BANP: variants seen among roughly 807,000 people sequenced by gnomAD.
The protein encoded by BANP is protein BANP.
Under a neutral mutation model 68.1 loss-of-function variants are expected in BANP, and 11 were observed. That is an observed-to-expected ratio of 0.16 (90% CI 0.10 to 0.27). The LOEUF (loss-of-function observed/expected upper bound fraction) is 0.27. BANP is among the 10% of genes least tolerant of loss of function. The pLI is 1.00. For synonymous variants in BANP, 329 were observed against 303.2 expected, an observed-to-expected ratio of 1.09 and a Z score of -0.88; for missense variants, 504 against 722.7, an observed-to-expected ratio of 0.70 and a Z score of 3.47.
chr16:87,969,838 C>G (rs112749511), intron 1 of BANP, among the ~76,000 whole-genome samples: 4 of 151,490 alleles, frequency 2.6e-5, no homozygotes, highest in African/African-American at 9.7e-5. Flanking sequence ...GCCTGACTAT[C>G]TTTACATAAC....
chr16:87,959,577 G>GGCGTCAGCCACAGAAGGGCTTA (rs1404934982), intron 1 of BANP, among the ~76,000 whole-genome samples: 1 of 152,244 alleles, frequency 6.6e-6, no homozygotes, highest in Non-Finnish European at 1.5e-5. Context: ...GAACAGCGCT[G>GGCGTCAGCCACAGAAGGGCTTA]GCGTCAGCCA....
At position 88,071,021 on chromosome 16, in the gene BANP, G is replaced by A. The variant is rs988735946; in HGVS notation, c.1378-1048G>A. On this transcript the variant is annotated intron_variant, in intron 12 of 13. Coordinates refer to ENST00000682872, the MANE Select transcript of BANP (RefSeq NM_001386991.1). This position sits in a 1 kb window ranked among gnomAD's most constrained non-coding sequence, Gnocchi z 6.5. ...AAAGCCCTGGTCCGGCGCTGTCTCT[G>A]CAGTGTGTTTGCGGGGGCCAAGTTT... The A allele has an allele frequency of 8.0e-5, 13 of 163,016 alleles. No individual in the cohort carries two copies. The highest frequency in any genetic ancestry group is 7.8e-4 in the Admixed American group (13 of 16,734). The allele number at this position is 163,016 out of a possible 1,614,324, so 10.1% of individuals were successfully genotyped here. A position where few individuals can be genotyped will look rare whatever the true frequency, so the allele number is the denominator to read the frequency against.
chr16:88,020,298 C>T (rs911816733), intron 7 of BANP, among the ~76,000 whole-genome samples: 10 of 152,250 alleles, frequency 6.6e-5, no homozygotes, highest in African/African-American at 1.9e-4. Flanking sequence ...AGGACACTGC[C>T]TTCAGAGGCG....
intron 1 of BANP, among the ~76,000 whole-genome samples, 176 bp downstream of exon 1, chr16:87,951,691 C>T (rs1039189429): frequency 6.7e-6 from 1 of 149,054 alleles, no homozygotes; most frequent in African/African-American, 2.4e-5. Flanking sequence ...CGCTCCCCGT[C>T]CCCGGCCGCG....
chr16:88,073,730 C>T (rs956872331), intron 13 of BANP, among the ~76,000 whole-genome samples: 3 of 152,162 alleles, frequency 2.0e-5, no homozygotes. Context: ...GTGAGGTCCG[C>T]GCCCAGGAAA....
intron 4 of BANP, among the ~76,000 whole-genome samples, chr16:87,996,263 C>T (rs1245407095): frequency 1.3e-5 from 2 of 152,230 alleles, no homozygotes; most frequent in Non-Finnish European, 2.9e-5. Flanking sequence ...AGACCGGGAC[C>T]CACCTGGCGT....
At chr16:88,035,909 G>A (rs115353971) in intron 10 of BANP, among the ~76,000 whole-genome samples, 2,131 of 152,362 alleles carry the variant, frequency 0.014, 54 homozygotes, top group African/African-American at 0.049. Context: ...CACCTGCTGG[G>A]TCTGTGATTG....
At chr16:88,060,387 C>T (rs896680957) in intron 11 of BANP, among the ~76,000 whole-genome samples, 3 of 152,150 alleles carry the variant, frequency 2.0e-5, no homozygotes, top group African/African-American at 4.8e-5. Context: ...TTAAAAGCCA[C>T]GTTTTTCCAT....
At chr16:88,046,121 C>G (rs148705627) in intron 11 of BANP, among the ~76,000 whole-genome samples, 1 of 152,346 alleles carries the variant, frequency 6.6e-6, no homozygotes, top group African/African-American at 2.4e-5. Flanking sequence ...GAAGCTTTAC[C>G]CTGTGCACAT....
chr16:88,027,627 A>G lies in BANP; in HGVS notation c.1040A>G (p.Asn347Ser), dbSNP rs778265845. Residue 347 changes from asparagine (N) to serine (S), a missense_variant, in exon 8 of 14, where the codon AAC (asparagine) becomes AGC (serine). Physicochemically the swap from Asn to Ser is conservative, Grantham distance 46. Around this residue, in one of 3 missense-constraint regions of BANP, gnomAD observed 223 missense variants for 246.2 expected, o/e 0.91. Transcript: ENST00000682872. ...AVKSFSRRTPNSSSYCPSEPM... is the reference protein window; with the variant it reads ...AVKSFSRRTPSSSSYCPSEPM... ...AAGAGCTTCTCGCGGAGAACGCCCA[A>G]CTCGTCCTCCTACTGCCCTTCAGGT... is the stretch of plus-strand genomic sequence containing the variant. 3 of 1,613,544 alleles carry G rather than the reference A, an allele frequency of 1.9e-6. No individual in the cohort carries two copies. Among genetic ancestry groups the G allele is most frequent in the Non-Finnish European group, 2.5e-6 (3 of 1,179,860 alleles).
chr16:88,072,842 C>T (rs1004402190), intron 13 of BANP, among the ~76,000 whole-genome samples: 13 of 152,196 alleles, frequency 8.5e-5, no homozygotes, highest in Admixed American at 1.3e-4. Flanking sequence ...CAGTCTTGGC[C>T]CCGCAGCCTC....
intron 12 of BANP, among the ~76,000 whole-genome samples, chr16:88,067,615 G>A (rs1174445541): frequency 6.6e-6 from 1 of 152,054 alleles, no homozygotes; most frequent in Non-Finnish European, 1.5e-5. Context: ...CAAATCTAAG[G>A]GGGTCAGCTG....
chr16:88,033,295 G>T, intron 9 of BANP, 50 bp downstream of exon 9: 4 of 1,477,686 alleles, frequency 2.7e-6, no homozygotes, highest in East Asian at 2.4e-5. Context: ...TGCGGGGTGG[G>T]CCACGGCAGG....
intron 11 of BANP, among the ~76,000 whole-genome samples, chr16:88,058,031 A>G (rs1175480080): frequency 6.6e-6 from 1 of 152,176 alleles, no homozygotes; most frequent in African/African-American, 2.4e-5. Context: ...GTTCAAGCGT[A>G]ATATAATTTC....
chr16:87,970,940 C>G (rs1383084494), intron 1 of BANP, among the ~76,000 whole-genome samples: 1 of 150,788 alleles, frequency 6.6e-6, no homozygotes, highest in African/African-American at 2.4e-5. Flanking sequence ...TCGCTTGAAC[C>G]CAGGAGGCGG....
intron 9 of BANP, among the ~76,000 whole-genome samples, chr16:88,033,474 T>TGGGGC (rs2078645680): frequency 6.6e-6 from 1 of 151,714 alleles, no homozygotes; most frequent in Non-Finnish European, 1.5e-5. Flanking sequence ...CATGGTGGGG[T>TGGGGC]GGGGCATTCA....
chr16:88,070,108 G>A (rs28465438), intron 12 of BANP, among the ~76,000 whole-genome samples: 28,965 of 152,036 alleles, frequency 0.19, 3,489 homozygotes, highest in South Asian at 0.28. Context: ...GTTTTCCCTC[G>A]CTTACTCTAT....
intron 11 of BANP, among the ~76,000 whole-genome samples, chr16:88,058,010 G>A (rs1177213810): frequency 2.0e-5 from 3 of 152,190 alleles, no homozygotes; most frequent in Non-Finnish European, 2.9e-5. Context: ...GGAGTTACAC[G>A]GGAAGAAAGG....
rs2088095438 is a variant in BANP at position 88,064,973 on chromosome 16, C to G, written c.1312-294C>G. On this transcript the variant is annotated intron_variant, in intron 11 of 13. Transcript: ENST00000682872. This position sits in a 1 kb window ranked among gnomAD's most constrained non-coding sequence, Gnocchi z 4.5. The stretch of plus-strand genomic sequence containing the variant: ...TTTAAAAACTCCTACAGTACAAACT[C>G]TTTCTAATGGAAAAAAGCGGTTGCT... 1.3e-5 allele frequency among the ~76,000 whole-genome samples: 2 copies of G among 152,248 alleles called. No homozygotes were observed. The highest frequency in any genetic ancestry group is 4.8e-5 in the African/African-American group (2 of 41,476).
Sources: allele counts gnomAD v4.1 joint callset (sites outside exome capture counted in the v4.1 genomes callset), GRCh38; gene constraint gnomAD v4.1.1; regional missense constraint gnomAD v4.1.1; non-coding constraint Gnocchi (gnomAD v3.1); transcripts MANE v1.5; gene names NCBI Gene and HGNC (gene_info 2026-07-23, HGNC 2026-07-21).